NETO2: variants seen among roughly 807,000 people sequenced by gnomAD.
NETO2 encodes the protein neuropilin and tolloid like 2, also known as neuropilin and tolloid-like protein 2.
In NETO2, 28 loss-of-function variants were observed where a neutral mutation model predicts 62.5. That is an observed-to-expected ratio of 0.45 (90% CI 0.33 to 0.61). The LOEUF (loss-of-function observed/expected upper bound fraction) is 0.61, where lower values mean the gene tolerates loss of function less well. NETO2 is among the 20% of genes least tolerant of loss of function. NETO2 has a pLI of 0.02. For missense variants in NETO2, 548 were observed against 643.2 expected (o/e 0.85, Z 1.60); for synonymous variants, 214 against 219.1 (o/e 0.98, Z 0.21).
Position 47,143,638 on chromosome 16 carries a change from G to A in NETO2, c.-26C>T. 3 of 1,220,324 alleles carry A rather than the reference G, an allele frequency of 2.5e-6. No individual in the cohort carries two copies. Among genetic ancestry groups the A allele is most frequent in the Non-Finnish European group, 2.0e-6 (2 of 977,380 alleles). 75.6% of individuals were successfully genotyped at this position (1,220,324 alleles called of 1,614,324 possible). On this transcript the variant is annotated 5_prime_UTR_variant, in exon 1 of 9. Coordinates refer to ENST00000562435, the MANE Select transcript of NETO2 (RefSeq NM_018092.5). ...GTTCCCGAGCTGCCCGGCGCTTCGC[G>A]AAGGGCTGAGGTAGCGGCGGCGGTG... is the stretch of plus-strand genomic sequence containing the variant.
At chr16:47,095,094 C>T (rs191784994) in intron 7 of NETO2, among the ~76,000 whole-genome samples, 188 of 152,246 alleles carry the variant, frequency 1.2e-3, no homozygotes, top group Non-Finnish European at 2.2e-3. Flanking sequence ...TGAGCTACAA[C>T]CTTTAATAAG....
chr16:47,134,005 C>T (rs1247662945), intron 1 of NETO2, among the ~76,000 whole-genome samples: 2 of 152,028 alleles, frequency 1.3e-5, no homozygotes, highest in Non-Finnish European at 2.9e-5. Flanking sequence ...AGAGTGGTAG[C>T]AGTGGAAAGG....
intron 7 of NETO2, among the ~76,000 whole-genome samples, chr16:47,087,138 C>T (rs1963209304): frequency 1.3e-5 from 2 of 152,030 alleles, no homozygotes; most frequent in South Asian, 4.2e-4. Context: ...AAGTGATTCT[C>T]CTGTGTCAGC....
chr16:47,112,269 G>T (rs1001242964), intron 6 of NETO2, among the ~76,000 whole-genome samples: 2 of 151,990 alleles, frequency 1.3e-5, no homozygotes, highest in Admixed American at 1.3e-4. Flanking sequence ...CCATGAACTA[G>T]TTTCTCACAT....
rs1481564789 is a variant in NETO2, at chr16:47,081,064, AAATAG to A, written c.*2152_*2156del. 2 of 152,194 alleles carry A rather than the reference AAATAG, an allele frequency of 1.3e-5. No homozygotes were observed. Among genetic ancestry groups the A allele is most frequent in the Non-Finnish European group, 2.9e-5 (2 of 68,014 alleles). 9.4% of individuals were successfully genotyped at this position (152,194 alleles called of 1,614,324 possible). ...TTTGTAGGCCTCTTCAAGACCTTAT[AAATAG>A]AAATCAAATTTCAAAAACAAAAATG... On this transcript the variant is annotated 3_prime_UTR_variant, in exon 9 of 9. Coordinates refer to ENST00000562435, the MANE Select transcript of NETO2 (RefSeq NM_018092.5).
chr16:47,115,618 C>T (rs568405918), intron 6 of NETO2, among the ~76,000 whole-genome samples: 22 of 149,806 alleles, frequency 1.5e-4, no homozygotes, highest in African/African-American at 5.2e-4. Flanking sequence ...GCCTCCGCCT[C>T]CTTGGCTTAA....
At chr16:47,105,533 A>T (rs1328476888) in intron 7 of NETO2, among the ~76,000 whole-genome samples, 1 of 152,222 alleles carries the variant, frequency 6.6e-6, no homozygotes, top group Non-Finnish European at 1.5e-5. Flanking sequence ...CCAAAAGGAC[A>T]CTATATCAAG....
chr16:47,099,239 T>C (rs1001506799), intron 7 of NETO2, among the ~76,000 whole-genome samples: 2 of 152,064 alleles, frequency 1.3e-5, no homozygotes, highest in Non-Finnish European at 2.9e-5. Context: ...AGAAATAAAA[T>C]CCTTTACAGA....
In NETO2 at chr16:47,143,624, G is replaced by GC; in HGVS notation, c.-13dup. ...CGCTCCAGGGCCATGTTCCCGAGCT[G>GC]CCCGGCGCTTCGCGAAGGGCTGAGG... is the stretch of plus-strand genomic sequence containing the variant. On this transcript the variant is annotated 5_prime_UTR_variant, in exon 1 of 9. Coordinates refer to ENST00000562435, the MANE Select transcript of NETO2 (RefSeq NM_018092.5). The GC allele has an allele frequency of 8.2e-7, 1 of 1,221,636 alleles. No homozygotes were observed. The highest frequency in any genetic ancestry group is 1.0e-6 in the Non-Finnish European group (1 of 977,876). 75.7% of individuals were successfully genotyped at this position (1,221,636 alleles called of 1,614,324 possible).
chr16:47,123,948 C>T (rs1221587385), intron 4 of NETO2, among the ~76,000 whole-genome samples: 2 of 152,172 alleles, frequency 1.3e-5, no homozygotes, highest in African/African-American at 2.4e-5. Context: ...CTGCCTGCCT[C>T]GGCCTTCCAA....
chr16:47,129,322 C>T lies in NETO2; in HGVS notation c.134G>A (p.Cys45Tyr), dbSNP rs768487858. 6.2e-7 allele frequency: 1 copy of T among 1,613,972 alleles called. No homozygotes were observed. Among genetic ancestry groups the T allele is most frequent in the Non-Finnish European group, 8.5e-7 (1 of 1,179,876 alleles). Residue 45 changes from cysteine (C) to tyrosine (Y), a missense_variant, in exon 3 of 9, where the codon TGT becomes TAT. Transcript: ENST00000562435. ...ATTGCTGGTTCGAACCCAAATGCCA[C>T]ACTGGGTTGCAGGAATATGCTTGAT... is the stretch of plus-strand genomic sequence containing the variant. ...IGIKHIPATQ[C>Y]GIWVRTSNGG...
chr16:47,116,440 T>C (rs1963923989), intron 6 of NETO2, among the ~76,000 whole-genome samples: 1 of 152,220 alleles, frequency 6.6e-6, no homozygotes, highest in South Asian at 2.1e-4. Context: ...ACATTGATTT[T>C]TCAAATGTTG....
In NETO2 at chr16:47,113,961, T is replaced by C. The variant is rs748246197; in HGVS notation, c.655-4250A>G. On this transcript the variant is annotated intron_variant, in intron 6 of 8. Coordinates refer to ENST00000562435, the MANE Select transcript of NETO2 (RefSeq NM_018092.5). ...TTGGTTATTACAGATAAAGTTGTTA[T>C]GAACATTTACTTATAGGTTTTTTTC... is the stretch of plus-strand genomic sequence containing the variant. Among the ~76,000 whole-genome samples the C allele has an allele frequency of 6.6e-5, 10 of 152,334 alleles. No homozygotes were observed. In the East Asian group the frequency reaches 1.7e-3, roughly 26 times the overall value.
chr16:47,122,972 T>C, intron 4 of NETO2, 60 bp from the exon 5 acceptor site: 1 of 1,490,712 alleles, frequency 6.7e-7, no homozygotes, highest in Non-Finnish European at 9.3e-7. Context: ...ATCCTCGATG[T>C]CTTACATTAC....
chr16:47,131,044 G>T (rs1964257013), intron 2 of NETO2, among the ~76,000 whole-genome samples: 1 of 150,274 alleles, frequency 6.7e-6, no homozygotes, highest in African/African-American at 2.4e-5. Context: ...GAGAGAAAAT[G>T]GAGGAAAGGG....
intron 7 of NETO2, among the ~76,000 whole-genome samples, chr16:47,102,748 T>C (rs987765362): frequency 3.3e-5 from 5 of 152,090 alleles, no homozygotes; most frequent in African/African-American, 7.2e-5. Context: ...TGAGCTACCA[T>C]CTCACACCAG....
At chr16:47,086,089 G>C in intron 8 of NETO2, 137 bp downstream of exon 8, 2 of 680,514 alleles carry the variant, frequency 2.9e-6, no homozygotes, top group South Asian at 1.5e-5. Context: ...CTGGGCGACA[G>C]AGCAGGACTC....
chr16:47,077,740 T>A lies in NETO2; in HGVS notation c.*5481A>T, dbSNP rs904905903. 3.9e-5 allele frequency: 6 copies of A among 152,354 alleles called. No individual in the cohort carries two copies. Among genetic ancestry groups the A allele is most frequent in the Admixed American group, 2.6e-4 (4 of 15,306 alleles). The allele number at this position is 152,354 out of a possible 1,614,324, so 9.4% of individuals were successfully genotyped here. On this transcript the variant is annotated 3_prime_UTR_variant, in exon 9 of 9. Transcript: ENST00000562435. ...GTTGGAGGGTAAGAGAACTTTTAAA[T>A]AACACTTGTTTCTTGATCCTAAATA...
chr16:47,108,663 A>C (rs1963722727), intron 7 of NETO2, among the ~76,000 whole-genome samples: 1 of 152,216 alleles, frequency 6.6e-6, no homozygotes, highest in African/African-American at 2.4e-5. Context: ...CAGATGGAGA[A>C]GGCTAAGGAT....
Sources: gnomAD v4.1 joint callset for allele counts (sites outside exome capture counted in the v4.1 genomes callset) on GRCh38, gnomAD v4.1.1 for gene constraint, MANE v1.5 for transcripts, NCBI Gene and HGNC (gene_info 2026-07-23, HGNC 2026-07-21) for gene names.